RGS7: variants seen among roughly 807,000 people sequenced by gnomAD.
The protein encoded by RGS7 is regulator of G protein signaling 7.
In RGS7, 27 loss-of-function variants were observed where a neutral mutation model predicts 81.1. The observed-to-expected ratio is 0.33, with a 90% CI of 0.25 to 0.46. RGS7 has a LOEUF of 0.46. RGS7 is among the 20% of genes least tolerant of loss of function. RGS7 has a pLI of 1.00. For missense variants in RGS7, 396 were observed against 607.4 expected (o/e 0.65, Z 3.66); for synonymous variants, 208 against 207.7 (o/e 1.00, Z -0.01).
chr1:241,010,693 C>T (rs920034838), intron 3 of RGS7, among the ~76,000 whole-genome samples: 1 of 152,180 alleles, frequency 6.6e-6, no homozygotes, highest in Non-Finnish European at 1.5e-5. Context: ...AGACCAGGCC[C>T]TTTGCGGTTT....
At chr1:240,882,940 G>A (rs1185920754) in intron 6 of RGS7, among the ~76,000 whole-genome samples, 1 of 152,046 alleles carries the variant, frequency 6.6e-6, no homozygotes, top group Non-Finnish European at 1.5e-5. Flanking sequence ...CCCTTCCTGT[G>A]TCCATGTGCT....
intron 2 of RGS7, among the ~76,000 whole-genome samples, chr1:241,350,663 C>T (rs189055063): frequency 1.3e-5 from 2 of 150,404 alleles, no homozygotes; most frequent in Admixed American, 1.3e-4. Context: ...CTCCCAGCTA[C>T]TCAGAAGGCT....
chr1:240,867,773 G>C (rs1016597440), intron 9 of RGS7, among the ~76,000 whole-genome samples: 4 of 152,284 alleles, frequency 2.6e-5, no homozygotes, highest in African/African-American at 4.8e-5. Flanking sequence ...GGCTGAGGCA[G>C]ACAGACTGCT....
chr1:241,212,992 T>C (rs1224514938), intron 2 of RGS7, among the ~76,000 whole-genome samples: 1 of 152,206 alleles, frequency 6.6e-6, no homozygotes, highest in Non-Finnish European at 1.5e-5. Context: ...TGCGTGTGTT[T>C]CATTTTGCTT....
rs552238433 is a variant in RGS7, at chr1:240,968,014, C to G, written c.226+15065G>C. Among the ~76,000 whole-genome samples, 5 of 152,230 alleles carry G rather than the reference C, an allele frequency of 3.3e-5. No individual in the cohort carries two copies. In the East Asian group the frequency reaches 9.7e-4, roughly 29 times the overall value. On this transcript the variant is annotated intron_variant, in intron 4 of 18. Transcript: ENST00000440928. ...CCAACCAATATCCATATCCAAACAT[C>G]CAATATCCAAACAACCAATATCCAA...
intron 2 of RGS7, among the ~76,000 whole-genome samples, chr1:241,254,642 G>A (rs2076980269): frequency 6.6e-6 from 1 of 152,076 alleles, no homozygotes; most frequent in African/African-American, 2.4e-5. Flanking sequence ...TATAAATTTT[G>A]GAGGAGACAC....
chr1:240,931,674 C>T (rs1426081274), intron 5 of RGS7, among the ~76,000 whole-genome samples: 1 of 151,946 alleles, frequency 6.6e-6, no homozygotes, highest in Non-Finnish European at 1.5e-5. Context: ...AAGTTTTAAA[C>T]TGCACAAATC....
intron 3 of RGS7, among the ~76,000 whole-genome samples, chr1:241,002,914 A>G (rs969160207): frequency 6.6e-6 from 1 of 152,246 alleles, no homozygotes; most frequent in Non-Finnish European, 1.5e-5. Context: ...TCGTAACATG[A>G]AAACAAAAAA....
At chr1:241,090,873 T>C (rs1196553597) in intron 3 of RGS7, among the ~76,000 whole-genome samples, 1 of 152,144 alleles carries the variant, frequency 6.6e-6, no homozygotes, top group African/African-American at 2.4e-5. Flanking sequence ...CAGGAGCATG[T>C]TGGGAGATGA....
intron 4 of RGS7, among the ~76,000 whole-genome samples, chr1:240,952,082 A>G (rs557156506): frequency 6.6e-6 from 1 of 152,236 alleles, no homozygotes; most frequent in Admixed American, 6.5e-5. Flanking sequence ...TCTCAGACAA[A>G]CAACTGAAAG....
At chr1:241,174,544 C>G (rs2070963515) in intron 2 of RGS7, among the ~76,000 whole-genome samples, 1 of 152,214 alleles carries the variant, frequency 6.6e-6, no homozygotes, top group Non-Finnish European at 1.5e-5. Context: ...CTCAATCATT[C>G]TGTTTGCCAG....
At chr1:241,275,202 A>G (rs578076749) in intron 2 of RGS7, among the ~76,000 whole-genome samples, 2 of 152,148 alleles carry the variant, frequency 1.3e-5, no homozygotes, top group African/African-American at 2.4e-5. Flanking sequence ...TTAAGAAAAC[A>G]CTTCAGATGT....
chr1:241,275,626 G>T (rs2078154101), intron 2 of RGS7, among the ~76,000 whole-genome samples: 1 of 152,142 alleles, frequency 6.6e-6, no homozygotes, highest in Non-Finnish European at 1.5e-5. Flanking sequence ...AGGAGTTAAG[G>T]GCAGGCAGGA....
In RGS7 at chr1:240,827,187, A is replaced by C. The variant is rs755092931; in HGVS notation, c.610-15T>G. 3.8e-6 allele frequency: 6 copies of C among 1,595,396 alleles called. No homozygotes were observed. Among genetic ancestry groups the C allele is most frequent in the Non-Finnish European group, 5.2e-6 (6 of 1,162,958 alleles). The stretch of plus-strand genomic sequence containing the variant: ...ACACATCCAGGCTGGGAATGGAAAA[A>C]CAGAGAGACAAATGAATCTTTGGGT... On this transcript the variant is annotated splice_polypyrimidine_tract_variant and intron_variant, in intron 9 of 18. Transcript: ENST00000440928.
At chr1:240,980,099 T>C (rs1684702213) in intron 4 of RGS7, among the ~76,000 whole-genome samples, 1 of 152,212 alleles carries the variant, frequency 6.6e-6, no homozygotes, top group Non-Finnish European at 1.5e-5. Flanking sequence ...TTCAAATCCA[T>C]CTGTATTCTA....
At chr1:241,156,333 T>C (rs1003244529) in intron 2 of RGS7, among the ~76,000 whole-genome samples, 1 of 151,472 alleles carries the variant, frequency 6.6e-6, no homozygotes, top group African/African-American at 2.4e-5. Context: ...GCTCTGTCTC[T>C]ATGAAACACA....
chr1:240,965,795 A>G lies in RGS7; in HGVS notation c.226+17284T>C, dbSNP rs552011082. On this transcript the variant is annotated intron_variant, in intron 4 of 18. Coordinates refer to ENST00000440928, the MANE Select transcript of RGS7 (RefSeq NM_001364886.1). ...AAGAAACTGGATAAAAATTCTTTTA[A>G]TAATTTGTTTCCGTTTACAGTACCA... Among the ~76,000 whole-genome samples, 111 of 152,352 alleles carry G rather than the reference A, an allele frequency of 7.3e-4. 5 individuals are homozygous for G. The South Asian group carries it at 0.022, about 30-fold the overall frequency.
chr1:241,203,598 A>G (rs1054072264), intron 2 of RGS7, among the ~76,000 whole-genome samples: 1 of 152,176 alleles, frequency 6.6e-6, no homozygotes, highest in Non-Finnish European at 1.5e-5. Context: ...AGGTACTCCA[A>G]AGAATATCAT....
intron 18 of RGS7, among the ~76,000 whole-genome samples, chr1:240,800,311 C>A (rs1687819922): frequency 6.6e-6 from 1 of 152,100 alleles, no homozygotes; most frequent in Non-Finnish European, 1.5e-5. Context: ...GTCCATCATT[C>A]TCCATCCCTT....
Sources: allele counts gnomAD v4.1 joint callset (sites outside exome capture counted in the v4.1 genomes callset), GRCh38; gene constraint gnomAD v4.1.1; transcripts MANE v1.5; gene names NCBI Gene and HGNC (gene_info 2026-07-23, HGNC 2026-07-21).